The following TTLL7 variants were observed in gnomAD, a reference collection of about 807,000 sequenced individuals.
The protein encoded by TTLL7 is tubulin tyrosine ligase like 7.
TTLL7 carries 53 observed loss-of-function variants against 120.2 expected under a neutral mutation model. That is an observed-to-expected ratio of 0.44 (90% confidence interval 0.35 to 0.55). The LOEUF (loss-of-function observed/expected upper bound fraction) is 0.55. Among genes scored for constraint, TTLL7 ranks in the 20% least tolerant of loss-of-function variants. The pLI is 0.00. For synonymous variants in TTLL7, 353 were observed against 351.7 expected, an observed-to-expected ratio of 1.00 and a Z score of -0.04; for missense variants, 803 against 1,054.7, an observed-to-expected ratio of 0.76 and a Z score of 3.31.
chr1:83,952,007 A>G, intron 2 of TTLL7, 31 bp from the exon 3 acceptor site: 1 of 1,592,354 alleles, frequency 6.3e-7, no homozygotes, highest in Non-Finnish European at 8.5e-7. Flanking sequence ...ATCAGATAAC[A>G]CTGAAAACAA....
At chr1:83,953,592 A>G (rs911697707) in intron 1 of TTLL7, among the ~76,000 whole-genome samples, 1 of 152,144 alleles carries the variant, frequency 6.6e-6, no homozygotes, top group South Asian at 2.1e-4. Context: ...TATTTATTAC[A>G]GACCAACTGT....
chr1:83,867,494 G>A lies in TTLL7; in HGVS notation c.*2468C>T, dbSNP rs941446330. 1.3e-5 allele frequency: 2 copies of A among 151,770 alleles called. No individual in the cohort carries two copies. Among genetic ancestry groups the A allele is most frequent in the African/African-American group, 4.8e-5 (2 of 41,382 alleles). 9.4% of individuals were successfully genotyped at this position (151,770 alleles called of 1,614,324 possible). A position where few individuals can be genotyped will look rare whatever the true frequency, so the allele number is the denominator to read the frequency against. Reference sequence around the variant, plus strand: ...TTATTTGTTGAAATCAATTTGTGGGGTACTTTCATACATTTAAATTTACTC... The same window carrying A: ...TTATTTGTTGAAATCAATTTGTGGGATACTTTCATACATTTAAATTTACTC... On this transcript the variant is annotated 3_prime_UTR_variant, in exon 21 of 21. Coordinates refer to ENST00000260505, the MANE Select transcript of TTLL7 (RefSeq NM_024686.6).
At chr1:83,953,599 C>T (rs559357029) in intron 1 of TTLL7, among the ~76,000 whole-genome samples, 4 of 152,190 alleles carry the variant, frequency 2.6e-5, no homozygotes, top group Admixed American at 6.5e-5. Flanking sequence ...TACAGACCAA[C>T]TGTAGGTAGG....
chr1:83,933,719 A>G lies in TTLL7; in HGVS notation c.936T>C (p.His312=), dbSNP rs1659789871. 1 of 1,613,544 alleles carries G rather than the reference A, an allele frequency of 6.2e-7. No homozygotes were observed. The highest frequency in any genetic ancestry group is 8.5e-7 in the Non-Finnish European group (1 of 1,179,580). The change falls in exon 9 of 21, where the codon CAT becomes CAC. Residue 312 remains histidine (H), a synonymous_variant. Coordinates refer to ENST00000260505, the MANE Select transcript of TTLL7 (RefSeq NM_024686.6). The stretch of plus-strand genomic sequence containing the variant: ...GACCAGGTCTACACATTCGATAGGC[A>G]TGCAGGACATGAGGTTCTGCTACAA... ...TLIVAEPHVL[H]AYRMCRPGQP... is the part of the protein sequence containing the mutation.
chr1:83,903,997 A>G, intron 18 of TTLL7, 82 bp downstream of exon 18: 1 of 1,012,048 alleles, frequency 9.9e-7, no homozygotes, highest in East Asian at 2.4e-5. Context: ...GCAAATATAC[A>G]GTCTGTCTAT....
At chr1:83,954,505 T>C (rs1649335319) in intron 1 of TTLL7, among the ~76,000 whole-genome samples, 1 of 152,214 alleles carries the variant, frequency 6.6e-6, no homozygotes, top group Non-Finnish European at 1.5e-5. Flanking sequence ...TTACCTACTT[T>C]CCAAAAGCAG....
At chr1:83,949,645 G>T in intron 4 of TTLL7, 1 of 479,740 alleles carries the variant, frequency 2.1e-6, no homozygotes. Context: ...TTTTTCTATT[G>T]ATTCTTCCCT....
At chr1:83,914,312 CCT>C (rs1214290416) in intron 14 of TTLL7, among the ~76,000 whole-genome samples, 1 of 146,868 alleles carries the variant, frequency 6.8e-6, no homozygotes, top group Non-Finnish European at 1.5e-5. Context: ...TGTTCTTCCA[CCT>C]CTCTCTCTCT....
chr1:83,906,902 G>A (rs1481555202), intron 16 of TTLL7, among the ~76,000 whole-genome samples: 2 of 152,008 alleles, frequency 1.3e-5, no homozygotes, highest in Admixed American at 6.6e-5. Flanking sequence ...GGTAGTCGGA[G>A]CTATCTATTT....
chr1:83,989,370 T>G (rs1367198366), intron 1 of TTLL7, among the ~76,000 whole-genome samples: 1 of 152,196 alleles, frequency 6.6e-6, no homozygotes, highest in African/African-American at 2.4e-5. Flanking sequence ...GGTGTCCAGT[T>G]TCATTTTTCT....
chr1:83,982,103 T>C (rs1036451777), intron 1 of TTLL7, among the ~76,000 whole-genome samples: 3 of 152,162 alleles, frequency 2.0e-5, no homozygotes, highest in Non-Finnish European at 4.4e-5. Flanking sequence ...TCTGACTAGA[T>C]TGAATTAAAC....
intron 6 of TTLL7, 94 bp downstream of exon 6, chr1:83,947,030 A>G (rs2100852206): frequency 6.2e-6 from 6 of 975,162 alleles, no homozygotes; most frequent in Non-Finnish European, 8.7e-6. Context: ...ATTTTTTCAT[A>G]TTGGTACTCA....
At chr1:83,905,404 T>G (rs1043853380) in intron 17 of TTLL7, among the ~76,000 whole-genome samples, 1 of 151,824 alleles carries the variant, frequency 6.6e-6, no homozygotes, top group African/African-American at 2.4e-5. Flanking sequence ...GTTTGCTTTT[T>G]GTTTCTACAC....
intron 5 of TTLL7, 115 bp downstream of exon 5, chr1:83,948,513 T>G: frequency 1.4e-6 from 1 of 697,776 alleles, no homozygotes; most frequent in South Asian, 2.5e-5. Flanking sequence ...CAAAATTCTA[T>G]CACTCTCATC....
At chr1:83,888,179 C>T (rs1045637442) in intron 19 of TTLL7, among the ~76,000 whole-genome samples, 5 of 151,992 alleles carry the variant, frequency 3.3e-5, no homozygotes, top group Non-Finnish European at 7.4e-5. Context: ...CAGATTTTCT[C>T]ATTGCTCTCC....
chr1:83,995,421 G>T (rs1341117288), intron 1 of TTLL7, among the ~76,000 whole-genome samples: 1 of 151,456 alleles, frequency 6.6e-6, no homozygotes, highest in Admixed American at 6.6e-5. Flanking sequence ...GTTCTCACAA[G>T]ATCTGGTCAC....
intron 10 of TTLL7, among the ~76,000 whole-genome samples, chr1:83,921,833 C>T (rs1182792911): frequency 2.0e-5 from 3 of 152,204 alleles, no homozygotes; most frequent in East Asian, 3.9e-4. Flanking sequence ...TCTTCTCCTT[C>T]TTCAACCCAA....
At position 83,951,747 on chromosome 1, in the gene TTLL7, A is replaced by G. The variant is rs1021401721; in HGVS notation, c.157+98T>C. 57 of 1,349,966 alleles carry G rather than the reference A, an allele frequency of 4.2e-5. No individual in the cohort carries two copies. In the East Asian group the frequency reaches 1.3e-3, roughly 31 times the overall value. The allele number at this position is 1,349,966 out of a possible 1,614,324, so 83.6% of individuals were successfully genotyped here. On this transcript the variant is annotated intron_variant, in intron 3 of 20. Coordinates refer to ENST00000260505, the MANE Select transcript of TTLL7 (RefSeq NM_024686.6). ...GGCATTTAAAAATCCATTATATAAA[A>G]GATAAGTTATCTCTTTGGATTTCTA...
intron 12 of TTLL7, among the ~76,000 whole-genome samples, chr1:83,920,240 G>A (rs1276857538): frequency 6.6e-6 from 1 of 152,090 alleles, no homozygotes; most frequent in Non-Finnish European, 1.5e-5. Flanking sequence ...ACAGTATAAG[G>A]GTTTAGTTGG....
Sources: allele counts gnomAD v4.1 joint callset (sites outside exome capture counted in the v4.1 genomes callset), GRCh38; gene constraint gnomAD v4.1.1; transcripts MANE v1.5; gene names NCBI Gene and HGNC (gene_info 2026-07-23, HGNC 2026-07-21).